SNX25: variants seen among roughly 807,000 people sequenced by gnomAD.
The protein encoded by SNX25 is sorting nexin-25.
A neutral mutation model predicts 113.7 loss-of-function variants in SNX25; 62 were observed. The observed-to-expected ratio is 0.55, with a 90% CI of 0.44 to 0.67. SNX25 has a LOEUF of 0.67. Among genes scored for constraint, SNX25 ranks in the 30% least tolerant of loss-of-function variants. The probability of loss-of-function intolerance (pLI) is 0.00; values close to 1 mark genes in which losing one functional copy is unlikely to be tolerated. For synonymous variants in SNX25, 421 were observed against 436.2 expected (o/e 0.97, Z 0.43); for missense variants, 1,014 against 1,161.0 (o/e 0.87, Z 1.84).
chr4:185,373,664 TCA>T (rs1327778868), downstream of SNX25, among the ~76,000 whole-genome samples: 2 of 152,236 alleles, frequency 1.3e-5, no homozygotes, highest in African/African-American at 4.8e-5. Flanking sequence ...AACTCCTCTC[TCA>T]CAAGTAGGAC....
At chr4:185,258,723 T>G in intron 2 of SNX25, 125 bp from the exon 3 acceptor site, 2 of 731,410 alleles carry the variant, frequency 2.7e-6, no homozygotes, top group Non-Finnish European at 2.2e-6. Context: ...TGAGTTCTGT[T>G]TTCTCCTCTC....
chr4:185,271,363 C>T (rs1025901010), intron 5 of SNX25, among the ~76,000 whole-genome samples: 1 of 152,196 alleles, frequency 6.6e-6, no homozygotes, highest in Non-Finnish European at 1.5e-5. Context: ...ACTGCAACCT[C>T]TGCCTCCGGG....
At chr4:185,304,898 A>T (rs1384367459) in intron 6 of SNX25, among the ~76,000 whole-genome samples, 1 of 152,184 alleles carries the variant, frequency 6.6e-6, no homozygotes, top group African/African-American at 2.4e-5. Flanking sequence ...TCTCTATTCC[A>T]TATGTCGATT....
At chr4:185,304,607 C>G (rs1477959203) in intron 6 of SNX25, among the ~76,000 whole-genome samples, 2 of 152,038 alleles carry the variant, frequency 1.3e-5, no homozygotes, top group African/African-American at 4.8e-5. Context: ...TCTGCCTGCC[C>G]CAGCCTCCCA....
Position 185,320,829 on chromosome 4 carries a change from T to G in SNX25, c.1441T>G (p.Trp481Gly), listed in dbSNP as rs1223624798. The change falls in exon 8 of 19, where the codon TGG becomes GGG. Residue 481 changes from tryptophan to glycine, a missense_variant. Transcript: ENST00000652585. ...RMDKRALISF[W>G]ESVEHLKNAN... is the part of the protein sequence containing the mutation. ...GGACAAAAGAGCTCTGATTAGTTTT[T>G]GGGAATCTGTGGAACATTTAAAGAA... 6.2e-7 allele frequency: 1 copy of G among 1,605,638 alleles called. No homozygotes were observed. Among genetic ancestry groups the G allele is most frequent in the Admixed American group, 1.7e-5 (1 of 58,388 alleles).
In SNX25 at chr4:185,264,580, A is replaced by G; in HGVS notation, c.874A>G (p.Ile292Val). 6.2e-7 allele frequency: 1 copy of G among 1,613,974 alleles called. No individual in the cohort carries two copies. Among genetic ancestry groups the G allele is most frequent in the Non-Finnish European group, 8.5e-7 (1 of 1,179,904 alleles). Residue 292 changes from isoleucine to valine, a missense_variant, in exon 4 of 19, where the codon ATA (isoleucine) becomes GTA (valine). Ile to Val is a conservative substitution (Grantham distance 29, BLOSUM62 3). Coordinates refer to ENST00000652585, the MANE Select transcript of SNX25 (RefSeq NM_001378034.2). Reference protein sequence around the residue: ...SKDVQSLSLRIMLAEILTTKV... With the variant: ...SKDVQSLSLRVMLAEILTTKV... The stretch of plus-strand genomic sequence containing the variant: ...GGATGTGCAGTCTCTCAGCTTACGT[A>G]TAATGCTTGCAGAAATTCTCACAAC...
chr4:185,231,728 C>T (rs916948022), intron 1 of SNX25, among the ~76,000 whole-genome samples: 17 of 148,132 alleles, frequency 1.1e-4, no homozygotes, highest in Admixed American at 1.0e-3. Context: ...AAAAAAAAAG[C>T]AGGATTTATT....
In SNX25 at chr4:185,210,055, G is replaced by A. The variant is rs1256796765; in HGVS notation, c.229G>A (p.Gly77Ser). 4 of 983,984 alleles carry A rather than the reference G, an allele frequency of 4.1e-6. No individual in the cohort carries two copies. Among genetic ancestry groups the A allele is most frequent in the South Asian group, 4.7e-5 (1 of 21,320 alleles). 61.0% of individuals were successfully genotyped at this position (983,984 alleles called of 1,614,324 possible). A position where few individuals can be genotyped will look rare whatever the true frequency, so the allele number is the denominator to read the frequency against. The change falls in exon 1 of 19, where the codon GGC (glycine) becomes AGC (serine). Residue 77 changes from glycine to serine, a missense_variant. Transcript: ENST00000652585. This position sits in a 1 kb window ranked among gnomAD's most constrained non-coding sequence, Gnocchi z 4.4. ...AAVALSFLGP[G>S]SGEAAGAAGL... ...CGTGGCCCTCTCCTTCCTGGGGCCC[G>A]GCAGCGGGGAGGCGGCGGGGGCCGC...
At chr4:185,212,725 C>T (rs977389186) in intron 1 of SNX25, among the ~76,000 whole-genome samples, 10 of 152,268 alleles carry the variant, frequency 6.6e-5, no homozygotes, top group African/African-American at 2.4e-4. Context: ...AAAATATCTA[C>T]AGTCAGTGCT....
rs180853355 is a variant in SNX25, at chr4:185,279,521, A to G, written c.1092-8491A>G. ...ACTCTAAGTCCTAACTTAAAATACT[A>G]TTTTACTCCTGACACTCCCTGCTTA... On this transcript the variant is annotated intron_variant, in intron 5 of 18. Coordinates refer to ENST00000652585, the MANE Select transcript of SNX25 (RefSeq NM_001378034.2). Among the ~76,000 whole-genome samples the G allele has an allele frequency of 1.9e-4, 29 of 150,364 alleles. 1 individual carries two copies. The highest frequency in any genetic ancestry group is 3.4e-4 in the Non-Finnish European group (23 of 68,006).
intron 5 of SNX25, among the ~76,000 whole-genome samples, chr4:185,268,780 T>C (rs1364739803): frequency 6.6e-6 from 1 of 152,200 alleles, no homozygotes; most frequent in African/African-American, 2.4e-5. Context: ...ATACATGGTG[T>C]CATGTGTTAA....
In SNX25 at chr4:185,288,123, G is replaced by A. The variant is rs1218631315; in HGVS notation, c.1162+41G>A. ...TTTTCTTCAGTTCCACATCTGAAAGGTCAGCTTGATCCCCGGCCTTCTCCC... is the reference window on the plus strand; with the variant it reads ...TTTTCTTCAGTTCCACATCTGAAAGATCAGCTTGATCCCCGGCCTTCTCCC... On this transcript the variant is annotated intron_variant, in intron 6 of 18. Transcript: ENST00000652585. The A allele has an allele frequency of 3.2e-6, 5 of 1,545,522 alleles. No individual in the cohort carries two copies. In the East Asian group the frequency reaches 9.0e-5, roughly 28 times the overall value.
At chr4:185,301,867 G>C in intron 6 of SNX25, among the ~76,000 whole-genome samples, 1 of 144,966 alleles carries the variant, frequency 6.9e-6, no homozygotes, top group East Asian at 2.2e-4. Context: ...GATTACAGGC[G>C]TGACCCACCA....
intron 11 of SNX25, chr4:185,369,670 A>G: frequency 5.0e-6 from 2 of 399,746 alleles, no homozygotes; most frequent in South Asian, 3.8e-5. Context: ...TTATGTTTTA[A>G]TATGGCTTTG....
In SNX25 at chr4:185,329,524, G is replaced by A. The variant is rs564375432; in HGVS notation, c.1750-3071G>A. 3.2e-4 allele frequency among the ~76,000 whole-genome samples: 48 copies of A among 152,330 alleles called. No individual in the cohort carries two copies. The East Asian group carries it at 9.1e-3, about 29-fold the overall frequency. On this transcript the variant is annotated intron_variant, in intron 9 of 18. Coordinates refer to ENST00000652585, the MANE Select transcript of SNX25 (RefSeq NM_001378034.2). ...TCTAGCTTAGTCCTACTGGTCCTCTGAGGATCAGGACAGCAGACCTGACTT... is the reference window on the plus strand; with the variant it reads ...TCTAGCTTAGTCCTACTGGTCCTCTAAGGATCAGGACAGCAGACCTGACTT...
rs1427416887 is a variant in SNX25, at chr4:185,261,116, G to GTGTGTGTGTGTGTC, written c.731+2065_731+2066insCTGTGTGTGTGTGT. ...TCTGTCTGTCTGTCTGTCTGTCTCT[G>GTGTGTGTGTGTGTC]TGTGTGTGTGTGTGTGTGTGTGTGT... On this transcript the variant is annotated intron_variant, in intron 3 of 18. Transcript: ENST00000652585. Among the ~76,000 whole-genome samples the GTGTGTGTGTGTGTC allele has an allele frequency of 3.7e-4, 14 of 37,776 alleles. 1 individual carries two copies. The highest frequency in any genetic ancestry group is 1.1e-3 in the African/African-American group (14 of 12,904). 24.8% of individuals were successfully genotyped at this position (37,776 alleles called of 152,430 possible).
chr4:185,365,777 G>A (rs1009848039), downstream of SNX25: 1 of 151,948 alleles, frequency 6.6e-6, no homozygotes, highest in Non-Finnish European at 1.5e-5. Context: ...GGATCTTCAA[G>A]TGGTTGAAGG....
In SNX25 at chr4:185,210,256, G is replaced by C; in HGVS notation, c.429+1G>C. On this transcript the variant is annotated splice_donor_variant, in intron 1 of 18. Coordinates refer to ENST00000652585, the MANE Select transcript of SNX25 (RefSeq NM_001378034.2). LOFTEE classifies it high-confidence loss of function. This position sits in a 1 kb window ranked among gnomAD's most constrained non-coding sequence, Gnocchi z 4.4. ...CTCAGCCGCCCGCCGCCCGCCGGGG[G>C]TAAGTACCCGACTCCTGGCCGCCCA... 1 of 984,962 alleles carries C rather than the reference G, an allele frequency of 1.0e-6. No homozygotes were observed. Among genetic ancestry groups the C allele is most frequent in the Non-Finnish European group, 1.2e-6 (1 of 830,068 alleles). 61.0% of individuals were successfully genotyped at this position (984,962 alleles called of 1,614,324 possible). A position where few individuals can be genotyped will look rare whatever the true frequency, so the allele number is the denominator to read the frequency against.
intron 1 of SNX25, among the ~76,000 whole-genome samples, chr4:185,215,618 C>G (rs1361825379): frequency 6.6e-6 from 1 of 152,130 alleles, no homozygotes; most frequent in Non-Finnish European, 1.5e-5. Context: ...AATCCTCAGT[C>G]ATTTGATAAT....
Sources: allele counts gnomAD v4.1 joint callset (sites outside exome capture counted in the v4.1 genomes callset), GRCh38; gene constraint gnomAD v4.1.1; non-coding constraint Gnocchi (gnomAD v3.1); transcripts MANE v1.5; gene names NCBI Gene and HGNC (gene_info 2026-07-23, HGNC 2026-07-21).